Variants in ZNF197 observed in about 807,000 individuals in gnomAD.
ZNF197 encodes the protein VHL-associated KRAB-A domain-containing protein.
A neutral mutation model predicts 27.4 loss-of-function variants in ZNF197; 14 were observed. That is an observed-to-expected ratio of 0.51 (90% CI 0.34 to 0.80). The LOEUF (loss-of-function observed/expected upper bound fraction) is 0.80. ZNF197 is among the 30% of genes least tolerant of loss of function. ZNF197 has a pLI of 0.02. For synonymous variants in ZNF197, 415 were observed against 420.0 expected (o/e 0.99, Z 0.15); for missense variants, 1,090 against 1,222.6 (o/e 0.89, Z 1.62).
At chr3:44,636,641 G>A (rs1198464262) in intron 5 of ZNF197, among the ~76,000 whole-genome samples, 1 of 152,036 alleles carries the variant, frequency 6.6e-6, no homozygotes. Flanking sequence ...AGGTACTTCC[G>A]CTTTTGGTCC....
chr3:44,628,671 A>G (rs1201021086), intron 1 of ZNF197, among the ~76,000 whole-genome samples: 1 of 152,216 alleles, frequency 6.6e-6, no homozygotes, highest in Non-Finnish European at 1.5e-5. Context: ...TCAAATTCTC[A>G]TGACAACCCC....
Position 44,646,323 on chromosome 3 carries a change from A to T in ZNF197, c.*2103A>T. ...AGCTTATATAATAATTACAAAGGACATATGTACTTTAACAATGGAGAATGC... is the reference window on the plus strand; with the variant it reads ...AGCTTATATAATAATTACAAAGGACTTATGTACTTTAACAATGGAGAATGC... On this transcript the variant is annotated 3_prime_UTR_variant, in exon 6 of 6. Transcript: ENST00000344387. 3 of 985,438 alleles carry T rather than the reference A, an allele frequency of 3.0e-6. No homozygotes were observed. The highest frequency in any genetic ancestry group is 3.6e-6 in the Non-Finnish European group (3 of 829,908). The allele number at this position is 985,438 out of a possible 1,614,324, so 61.0% of individuals were successfully genotyped here. A position where few individuals can be genotyped will look rare whatever the true frequency, so the allele number is the denominator to read the frequency against.
rs145143474 is a variant in ZNF197, at chr3:44,628,122, C to T, written c.-81-952C>T. Among the ~76,000 whole-genome samples, 732 of 152,184 alleles carry T rather than the reference C, an allele frequency of 4.8e-3. 10 individuals carry two copies. The highest frequency in any genetic ancestry group is 0.017 in the African/African-American group (695 of 41,530). On this transcript the variant is annotated intron_variant, in intron 1 of 5. Transcript: ENST00000344387. ...CCTGAAGAAATAAGCAGAGATGTAACTAAAAATTTGTTATCAAGGATAGCC... is the reference window on the plus strand; with the variant it reads ...CCTGAAGAAATAAGCAGAGATGTAATTAAAAATTTGTTATCAAGGATAGCC...
chr3:44,630,850 T>A (rs150120584), intron 2 of ZNF197: 1 of 701,928 alleles, frequency 1.4e-6, no homozygotes, highest in Non-Finnish European at 2.6e-6. Flanking sequence ...TACAGTCTCC[T>A]CTGGGAGAGG....
intron 5 of ZNF197, 119 bp from the exon 6 acceptor site, chr3:44,641,781 C>T: frequency 8.5e-7 from 1 of 1,176,236 alleles, no homozygotes; most frequent in Non-Finnish European, 1.2e-6. Flanking sequence ...TGAAAAGTTT[C>T]TCCTTTTTGT....
At position 44,632,158 on chromosome 3, in the gene ZNF197, CAATT is replaced by C; in HGVS notation, c.608_611del (p.Leu203TrpfsTer6). 1 of 1,614,150 alleles carries C rather than the reference CAATT, an allele frequency of 6.2e-7. No homozygotes were observed. Among genetic ancestry groups the C allele is most frequent in the Non-Finnish European group, 8.5e-7 (1 of 1,180,034 alleles). On this transcript the variant is annotated frameshift_variant, in exon 4 of 6. Transcript: ENST00000344387. LOFTEE classifies it high-confidence loss of function. Reference sequence around the variant, plus strand: ...TTCCCAGGAAGAGAACCCAAGAAATCAATTAATGGCACTTATGCTCCTAACAGCC... The same window carrying C: ...TTCCCAGGAAGAGAACCCAAGAAATCAATGGCACTTATGCTCCTAACAGCC...
At position 44,646,615 on chromosome 3, in the gene ZNF197, AAG is replaced by A. The variant is rs1029344105; in HGVS notation, c.*2400_*2401del. The A allele has an allele frequency of 6.0e-5, 47 of 785,190 alleles. No individual in the cohort carries two copies. The highest frequency in any genetic ancestry group is 4.5e-4 in the Middle Eastern group (2 of 4,402). 48.6% of individuals were successfully genotyped at this position (785,190 alleles called of 1,614,324 possible). ...TCTTCAAAATATTATTATGATGAAA[AAG>A]AGAGGGGAGTGAAAATTGTTCAAGC... On this transcript the variant is annotated 3_prime_UTR_variant, in exon 6 of 6. Coordinates refer to ENST00000344387, the MANE Select transcript of ZNF197 (RefSeq NM_006991.5).
chr3:44,629,616 T>A, intron 2 of ZNF197, 72 bp downstream of exon 2: 1 of 1,470,262 alleles, frequency 6.8e-7, no homozygotes, highest in Non-Finnish European at 9.0e-7. Context: ...GGCTAGAGGG[T>A]GATCCTGTGA....
chr3:44,645,815 A>T lies in ZNF197; in HGVS notation c.*1595A>T. ...TCTTCACTGATTAAGCCAGTGCAGAATCCACTTGTGGGCAGTCAGTGCCCA... is the reference window on the plus strand; with the variant it reads ...TCTTCACTGATTAAGCCAGTGCAGATTCCACTTGTGGGCAGTCAGTGCCCA... On this transcript the variant is annotated 3_prime_UTR_variant, in exon 6 of 6. Coordinates refer to ENST00000344387, the MANE Select transcript of ZNF197 (RefSeq NM_006991.5). 2.0e-6 allele frequency: 2 copies of T among 985,460 alleles called. No individual in the cohort carries two copies. Among genetic ancestry groups the T allele is most frequent in the Non-Finnish European group, 2.4e-6 (2 of 829,934 alleles). The allele number at this position is 985,460 out of a possible 1,614,324, so 61.0% of individuals were successfully genotyped here. A position where few individuals can be genotyped will look rare whatever the true frequency, so the allele number is the denominator to read the frequency against.
rs1336874101 is a variant in ZNF197 at position 44,644,817 on chromosome 3, C to G, written c.*597C>G. ...GGAAGATCCCTTGAGCCCAGGAGTT[C>G]GAGACAAGCCTGGGTAACACGGGGA... On this transcript the variant is annotated 3_prime_UTR_variant, in exon 6 of 6. Coordinates refer to ENST00000344387, the MANE Select transcript of ZNF197 (RefSeq NM_006991.5). 3 of 978,796 alleles carry G rather than the reference C, an allele frequency of 3.1e-6. No individual in the cohort carries two copies. Among genetic ancestry groups the G allele is most frequent in the Non-Finnish European group, 3.6e-6 (3 of 824,276 alleles). 60.6% of individuals were successfully genotyped at this position (978,796 alleles called of 1,614,324 possible).
intron 5 of ZNF197, among the ~76,000 whole-genome samples, chr3:44,633,090 T>A (rs1461760429): frequency 6.6e-6 from 1 of 152,224 alleles, no homozygotes; most frequent in Non-Finnish European, 1.5e-5. Context: ...TATTGCCAAA[T>A]TACTTTCTGT....
chr3:44,642,785 A>G lies in ZNF197; in HGVS notation c.1655A>G (p.Tyr552Cys). The G allele has an allele frequency of 1.2e-6, 2 of 1,613,594 alleles. No individual in the cohort carries two copies. The highest frequency in any genetic ancestry group is 8.5e-7 in the Non-Finnish European group (1 of 1,179,962). ...GGAAAGACCTTTGCTCAGACCACTT[A>G]TCTTATTGACCATCAGCGACTCCAC... ...ECGKTFAQTT[Y>C]LIDHQRLHSA... Residue 552 changes from tyrosine to cysteine, a missense_variant, in exon 6 of 6, where the codon TAT becomes TGT. Tyr to Cys is a radical substitution (Grantham distance 194). Transcript: ENST00000344387.
chr3:44,632,706 A>G, intron 5 of ZNF197, 107 bp downstream of exon 5: 3 of 1,298,128 alleles, frequency 2.3e-6, no homozygotes, highest in Non-Finnish European at 3.0e-6. Flanking sequence ...CGAATATTAC[A>G]AAGAAGAAAA....
In ZNF197 at chr3:44,646,423, T is replaced by TG; in HGVS notation, c.*2203_*2204insG. 1 of 1,610,892 alleles carries TG rather than the reference T, an allele frequency of 6.2e-7. No homozygotes were observed. The highest frequency in any genetic ancestry group is 1.1e-5 in the South Asian group (1 of 90,342). ...AGACAGCCCACATAATGTGCCACCT[T>TG]CTGTGATGTAATAAGCTGAAAAATG... is the stretch of plus-strand genomic sequence containing the variant. On this transcript the variant is annotated 3_prime_UTR_variant, in exon 6 of 6. Coordinates refer to ENST00000344387, the MANE Select transcript of ZNF197 (RefSeq NM_006991.5).
chr3:44,644,975 C>CCA lies in ZNF197; in HGVS notation c.*755_*756insCA, dbSNP rs1702874987. On this transcript the variant is annotated 3_prime_UTR_variant, in exon 6 of 6. Coordinates refer to ENST00000344387, the MANE Select transcript of ZNF197 (RefSeq NM_006991.5). ...GTGTCACTGCTGTGGAAAACCTGAA[C>CCA]AGACAGTATGATCCAGAATGTCAGG... is the stretch of plus-strand genomic sequence containing the variant. 1.6e-5 allele frequency: 16 copies of CCA among 985,326 alleles called. No individual in the cohort carries two copies. In the South Asian group the frequency reaches 6.1e-4, roughly 38 times the overall value. 61.0% of individuals were successfully genotyped at this position (985,326 alleles called of 1,614,324 possible). A position where few individuals can be genotyped will look rare whatever the true frequency, so the allele number is the denominator to read the frequency against.
Position 44,638,885 on chromosome 3 carries a change from A to AT in ZNF197, c.770-3008dup, listed in dbSNP as rs562313967. Among the ~76,000 whole-genome samples, 10 of 151,912 alleles carry AT rather than the reference A, an allele frequency of 6.6e-5. No homozygotes were observed. The East Asian group carries it at 1.9e-3, about 29-fold the overall frequency. ...AATTATTTGTTTTTATTTTAATTTT[A>AT]TTTTTTTCTGTAAAGACAGTGTCTC... is the stretch of plus-strand genomic sequence containing the variant. On this transcript the variant is annotated intron_variant, in intron 5 of 5. Transcript: ENST00000344387.
In ZNF197 at chr3:44,645,378, TG is replaced by T; in HGVS notation, c.*1160del. ...ATACTCATTTTCATAAGAGGAAGTA[TG>T]GTGAATAGCTAACTGGAATTTAGTG... On this transcript the variant is annotated 3_prime_UTR_variant, in exon 6 of 6. Coordinates refer to ENST00000344387, the MANE Select transcript of ZNF197 (RefSeq NM_006991.5). 1 of 985,404 alleles carries T rather than the reference TG, an allele frequency of 1.0e-6. No homozygotes were observed. The highest frequency in any genetic ancestry group is 1.2e-6 in the Non-Finnish European group (1 of 829,924). 61.0% of individuals were successfully genotyped at this position (985,404 alleles called of 1,614,324 possible).
Position 44,642,102 on chromosome 3 carries a change from T to C in ZNF197, c.972T>C (p.Val324=). 6.2e-7 allele frequency: 1 copy of C among 1,614,072 alleles called. No individual in the cohort carries two copies. Residue 324 remains valine (V), a synonymous_variant, in exon 6 of 6, where the codon GTT becomes GTC. Coordinates refer to ENST00000344387, the MANE Select transcript of ZNF197 (RefSeq NM_006991.5). ...AAAGGGCAGATACAGTGAAGAAAGT[T>C]TCCCTTTGTGAACGAGACAAGAAGA... ...TDERADTVKK[V]SLCERDKKKR...
At position 44,645,696 on chromosome 3, in the gene ZNF197, C is replaced by T. The variant is rs1028765246; in HGVS notation, c.*1476C>T. ...TTGTGAATTCTAATCAATATTTCAT[C>T]ATTGCTGTCAAATGATAGCCTGTTA... On this transcript the variant is annotated 3_prime_UTR_variant, in exon 6 of 6. Coordinates refer to ENST00000344387, the MANE Select transcript of ZNF197 (RefSeq NM_006991.5). 2 of 985,310 alleles carry T rather than the reference C, an allele frequency of 2.0e-6. No homozygotes were observed. Among genetic ancestry groups the T allele is most frequent in the Non-Finnish European group, 2.4e-6 (2 of 829,948 alleles). The allele number at this position is 985,310 out of a possible 1,614,324, so 61.0% of individuals were successfully genotyped here. A position where few individuals can be genotyped will look rare whatever the true frequency, so the allele number is the denominator to read the frequency against.
Sources: allele counts gnomAD v4.1 joint callset (sites outside exome capture counted in the v4.1 genomes callset), GRCh38; gene constraint gnomAD v4.1.1; transcripts MANE v1.5; gene names NCBI Gene and HGNC (gene_info 2026-07-23, HGNC 2026-07-21).